Variants in GALNT5 observed in about 807,000 individuals in gnomAD.
GALNT5 encodes UDP-GalNAc:polypeptide N-acetylgalactosaminyltransferase 5.
Under a neutral mutation model 85.4 loss-of-function variants are expected in GALNT5, and 72 were observed. That is an observed-to-expected ratio of 0.84 (90% confidence interval 0.70 to 1.03). The LOEUF is 1.03. Ranked by LOEUF, GALNT5 falls within the 50% of genes least tolerant of loss-of-function variation. The pLI is 0.00. For missense variants in GALNT5, 1,137 were observed against 1,135.5 expected (o/e 1.00, Z -0.02); for synonymous variants, 404 against 397.0 (o/e 1.02, Z -0.21).
chr2:157,277,561 T>G (rs1462830717), intron 1 of GALNT5, among the ~76,000 whole-genome samples: 2 of 152,234 alleles, frequency 1.3e-5, no homozygotes, highest in Non-Finnish European at 2.9e-5. Flanking sequence ...ACTGATCCCT[T>G]TACCATTATG....
At chr2:157,282,649 T>C (rs1682880511) in intron 1 of GALNT5, among the ~76,000 whole-genome samples, 1 of 152,154 alleles carries the variant, frequency 6.6e-6, no homozygotes, top group African/African-American at 2.4e-5. Context: ...CAAATTGAGG[T>C]TCAAAGAAGT....
chr2:157,298,847 G>A (rs984085574), intron 5 of GALNT5: 1 of 152,388 alleles, frequency 6.6e-6, no homozygotes, highest in Non-Finnish European at 1.5e-5. Flanking sequence ...CTGTCCTTGG[G>A]AAAGTTTCTT....
intron 1 of GALNT5, among the ~76,000 whole-genome samples, chr2:157,283,551 G>A (rs750622734): frequency 5.3e-5 from 8 of 152,100 alleles, no homozygotes; most frequent in African/African-American, 1.2e-4. Context: ...AGGAAGCCCC[G>A]GATACGGAAG....
At chr2:157,273,031 C>A (rs1682625935) in intron 1 of GALNT5, among the ~76,000 whole-genome samples, 1 of 152,132 alleles carries the variant, frequency 6.6e-6, no homozygotes, top group South Asian at 2.1e-4. Context: ...GCCTTGACAG[C>A]ATCTGTTGTT....
At chr2:157,264,174 TAC>T (rs59575957) in intron 1 of GALNT5, among the ~76,000 whole-genome samples, 6,167 of 143,972 alleles carry the variant, frequency 0.043, 275 homozygotes, top group African/African-American at 0.11. Flanking sequence ...TCAACACACA[TAC>T]ACACACACAC....
At chr2:157,303,434 T>C (rs1683389687) in intron 7 of GALNT5, among the ~76,000 whole-genome samples, 1 of 152,242 alleles carries the variant, frequency 6.6e-6, no homozygotes, top group African/African-American at 2.4e-5. Context: ...GTGCGGAATG[T>C]CTACTTCCTA....
At position 157,316,446 on chromosome 2, in the gene GALNT5, C is replaced by T. The variant is rs1219475281; in HGVS notation, c.*5098C>T. On this transcript the variant is annotated 3_prime_UTR_variant, in exon 10 of 10. Transcript: ENST00000259056. Reference sequence around the variant, plus strand: ...CCCTCCAACCTTTAATCAAAGCTAGCAGATTGCTCATCTTGAACAGAAATA... The same window carrying T: ...CCCTCCAACCTTTAATCAAAGCTAGTAGATTGCTCATCTTGAACAGAAATA... Among the ~76,000 whole-genome samples, 1 of 151,632 alleles carries T rather than the reference C, an allele frequency of 6.6e-6. No individual in the cohort carries two copies. The highest frequency in any genetic ancestry group is 2.4e-5 in the African/African-American group (1 of 41,256).
rs1223622288 is a variant in GALNT5 at position 157,312,695 on chromosome 2, C to A, written c.*1347C>A. On this transcript the variant is annotated 3_prime_UTR_variant, in exon 10 of 10. Coordinates refer to ENST00000259056, the MANE Select transcript of GALNT5 (RefSeq NM_014568.3). Reference sequence around the variant, plus strand: ...TTACCTAAAAATCTTAAAACCCAGGCAAGTTAGTCAAAGAATCAAGATTAG... The same window carrying A: ...TTACCTAAAAATCTTAAAACCCAGGAAAGTTAGTCAAAGAATCAAGATTAG... The A allele has an allele frequency of 1.3e-5, 2 of 151,988 alleles. No homozygotes were observed. Among genetic ancestry groups the A allele is most frequent in the African/African-American group, 4.8e-5 (2 of 41,396 alleles). 9.4% of individuals were successfully genotyped at this position (151,988 alleles called of 1,614,324 possible).
At position 157,318,336 on chromosome 2, in the gene GALNT5, G is replaced by A. The variant is rs1045490353; in HGVS notation, c.*6988G>A. ...TTACAGAGATTTCTTCAAGTTGTTC[G>A]TGTTAAGATGCATCTTAAACATGAT... is the stretch of plus-strand genomic sequence containing the variant. On this transcript the variant is annotated 3_prime_UTR_variant, in exon 10 of 10. Transcript: ENST00000259056. Among the ~76,000 whole-genome samples the A allele has an allele frequency of 9.2e-5, 14 of 152,138 alleles. No homozygotes were observed. The highest frequency in any genetic ancestry group is 8.3e-4 in the South Asian group (4 of 4,820).
intron 8 of GALNT5, among the ~76,000 whole-genome samples, chr2:157,306,335 C>T (rs561463921): frequency 2.0e-5 from 3 of 152,324 alleles, no homozygotes; most frequent in African/African-American, 7.2e-5. Context: ...TTCCATTCTT[C>T]TTTCCCCTCA....
chr2:157,296,035 A>C (rs1243209057), intron 4 of GALNT5, among the ~76,000 whole-genome samples: 1 of 152,304 alleles, frequency 6.6e-6, no homozygotes, highest in African/African-American at 2.4e-5. Context: ...CCTAATACTC[A>C]TGACCTAGTT....
rs1281748166 is a variant in GALNT5, at chr2:157,258,174, C to T, written c.92C>T (p.Ala31Val). The change falls in exon 1 of 10, where the codon GCA (alanine) becomes GTA (valine). Residue 31 changes from alanine to valine, a missense_variant. Transcript: ENST00000259056. ...GTCATCTGGCTCCTCTTTGACATGG[C>T]AGCTCTCCGCCTCTCATTCAGTGAG... is the stretch of plus-strand genomic sequence containing the variant. ...ASVIWLLFDMAALRLSFSEIN... is the reference protein window; with the variant it reads ...ASVIWLLFDMVALRLSFSEIN... 1 of 1,612,772 alleles carries T rather than the reference C, an allele frequency of 6.2e-7. No individual in the cohort carries two copies. Among genetic ancestry groups the T allele is most frequent in the East Asian group, 2.2e-5 (1 of 44,750 alleles).
chr2:157,296,627 G>T (rs1345372221), intron 5 of GALNT5, 114 bp downstream of exon 5: 2 of 765,668 alleles, frequency 2.6e-6, no homozygotes. Flanking sequence ...AAGAATCACA[G>T]TTCTAGCCAA....
chr2:157,288,715 G>A (rs1249507114), intron 3 of GALNT5, among the ~76,000 whole-genome samples: 1 of 152,190 alleles, frequency 6.6e-6, no homozygotes, highest in Non-Finnish European at 1.5e-5. Flanking sequence ...GAACGAAACT[G>A]TCTGATGTAC....
chr2:157,290,000 G>GA (rs1683059670), intron 3 of GALNT5, among the ~76,000 whole-genome samples: 1 of 151,032 alleles, frequency 6.6e-6, no homozygotes, highest in African/African-American at 2.4e-5. Flanking sequence ...TTGAACCCGG[G>GA]AGGCGGAGGT....
intron 4 of GALNT5, 119 bp from the exon 5 acceptor site, chr2:157,296,275 C>T (rs1044356131): frequency 5.5e-6 from 4 of 723,944 alleles, no homozygotes; most frequent in Non-Finnish European, 9.3e-6. Context: ...AGGTGGTGAT[C>T]TAAACTCATC....
chr2:157,284,586 C>A (rs937882215), intron 2 of GALNT5, 138 bp downstream of exon 2: 4 of 670,794 alleles, frequency 6.0e-6, no homozygotes, highest in African/African-American at 3.6e-5. Flanking sequence ...TTACGTGGAG[C>A]CTCAGAGACA....
Position 157,259,485 on chromosome 2 carries a change from T to G in GALNT5, c.1403T>G (p.Leu468Arg). Residue 468 changes from leucine (L) to arginine (R), a missense_variant, in exon 1 of 10, where the codon CTT becomes CGT. Physicochemically the swap from Leu to Arg is moderately radical, Grantham distance 102 (BLOSUM62 -2). Coordinates refer to ENST00000259056, the MANE Select transcript of GALNT5 (RefSeq NM_014568.3). ...AAAGAAGGAAACTTCAATGTCTACC[T>G]TAGCGATTTGATCCCAGTGGATAGA... ...RWKEGNFNVYLSDLIPVDRAI... is the reference protein window; with the variant it reads ...RWKEGNFNVYRSDLIPVDRAI... The G allele has an allele frequency of 6.9e-7, 1 of 1,439,602 alleles. No individual in the cohort carries two copies. Among genetic ancestry groups the G allele is most frequent in the Non-Finnish European group, 9.2e-7 (1 of 1,091,740 alleles). 89.2% of individuals were successfully genotyped at this position (1,439,602 alleles called of 1,614,324 possible).
In GALNT5 at chr2:157,258,280, T is replaced by C. The variant is rs760554166; in HGVS notation, c.198T>C (p.Ile66=). The change falls in exon 1 of 10, where the codon ATT becomes ATC. Residue 66 remains isoleucine, a synonymous_variant. Coordinates refer to ENST00000259056, the MANE Select transcript of GALNT5 (RefSeq NM_014568.3). ...GFRVQPDQGK[I]FYSSIKEMKP... ...GAGTTCAGCCAGACCAAGGAAAAAT[T>C]TTTTACAGCAGCATAAAAGAGATGA... 8 of 1,601,508 alleles carry C rather than the reference T, an allele frequency of 5.0e-6. No homozygotes were observed. The South Asian group carries it at 7.9e-5, about 16-fold the overall frequency.
Sources: gnomAD v4.1 joint callset for allele counts (sites outside exome capture counted in the v4.1 genomes callset) on GRCh38, gnomAD v4.1.1 for gene constraint, MANE v1.5 for transcripts, NCBI Gene and HGNC (gene_info 2026-07-23, HGNC 2026-07-21) for gene names.